SLIT1: variants seen among roughly 807,000 people sequenced by gnomAD.
The protein encoded by SLIT1 is slit homolog 1 protein.
A neutral mutation model predicts 186.1 loss-of-function variants in SLIT1; 66 were observed. That is an observed-to-expected ratio of 0.35 (90% confidence interval 0.29 to 0.44). The LOEUF (loss-of-function observed/expected upper bound fraction) is 0.44, where lower values mean the gene tolerates loss of function less well. Among genes scored for constraint, SLIT1 ranks in the 20% least tolerant of loss-of-function variants. The pLI is 1.00. For synonymous variants in SLIT1, 761 were observed against 833.8 expected (o/e 0.91, Z 1.50); for missense variants, 1,638 against 2,037.4 (o/e 0.80, Z 3.77).
In SLIT1 at chr10:97,063,767, A is replaced by G. The variant is rs938603947; in HGVS notation, c.630-149T>C. 37 of 846,910 alleles carry G rather than the reference A, an allele frequency of 4.4e-5. No individual in the cohort carries two copies. The South Asian group carries it at 6.0e-4, about 14-fold the overall frequency. 52.5% of individuals were successfully genotyped at this position (846,910 alleles called of 1,614,324 possible). A position where few individuals can be genotyped will look rare whatever the true frequency, so the allele number is the denominator to read the frequency against. On this transcript the variant is annotated intron_variant, in intron 7 of 36. Coordinates refer to ENST00000266058, the MANE Select transcript of SLIT1 (RefSeq NM_003061.3). ...TTAGTCAAGTAGACGGCTCAGCTCC[A>G]ACCCGGGGATTATCCACAGCCCCGT...
intron 13 of SLIT1, among the ~76,000 whole-genome samples, chr10:97,049,662 C>T (rs763776411): frequency 1.3e-5 from 2 of 152,200 alleles, no homozygotes; most frequent in Non-Finnish European, 2.9e-5. Context: ...CCAGGGTGGC[C>T]AGGCCTGCTG....
chr10:97,060,302 G>T (rs1218652547), intron 9 of SLIT1, 144 bp from the exon 10 acceptor site: 5 of 726,286 alleles, frequency 6.9e-6, no homozygotes, highest in Non-Finnish European at 1.2e-5. Context: ...GAAGTCTGGG[G>T]TAAGGACGCC....
chr10:97,062,844 T>A (rs1185453407), intron 8 of SLIT1, among the ~76,000 whole-genome samples: 1 of 152,198 alleles, frequency 6.6e-6, no homozygotes, highest in Non-Finnish European at 1.5e-5. Flanking sequence ...TTCTTTTTGG[T>A]CTTCTGGCTG....
rs767004713 is a variant in SLIT1, at chr10:97,185,452, GA to G, written c.197+25del. The G allele has an allele frequency of 1.9e-6, 3 of 1,604,462 alleles. No homozygotes were observed. The East Asian group carries it at 6.8e-5, about 36-fold the overall frequency. On this transcript the variant is annotated intron_variant, in intron 1 of 36. Coordinates refer to ENST00000266058, the MANE Select transcript of SLIT1 (RefSeq NM_003061.3). ...GTGGGAGGGCAACCTCGGAGCCAGG[GA>G]GCCAGGGGCGGGGACCATACTCACA...
chr10:97,107,794 C>T (rs770246012), intron 4 of SLIT1, among the ~76,000 whole-genome samples: 1 of 152,000 alleles, frequency 6.6e-6, no homozygotes, highest in African/African-American at 2.4e-5. Flanking sequence ...ACCCATGGGG[C>T]CAGCTTCCTG....
rs1281330308 is a variant in SLIT1, at chr10:96,998,243, G to A, written c.*2869C>T. 1 of 152,222 alleles carries A rather than the reference G, an allele frequency of 6.6e-6. No individual in the cohort carries two copies. The highest frequency in any genetic ancestry group is 6.5e-5 in the Admixed American group (1 of 15,284). 9.4% of individuals were successfully genotyped at this position (152,222 alleles called of 1,614,324 possible). A position where few individuals can be genotyped will look rare whatever the true frequency, so the allele number is the denominator to read the frequency against. On this transcript the variant is annotated 3_prime_UTR_variant, in exon 37 of 37. Coordinates refer to ENST00000266058, the MANE Select transcript of SLIT1 (RefSeq NM_003061.3). ...ATCTGAAAGGCAAAACAAGACGCTG[G>A]ATGTTGACTTTAACATATAAAAATA...
At chr10:97,071,750 T>C (rs1236201023) in intron 4 of SLIT1, among the ~76,000 whole-genome samples, 1 of 152,156 alleles carries the variant, frequency 6.6e-6, no homozygotes, top group Non-Finnish European at 1.5e-5. Context: ...CGTATAAGTC[T>C]AAAAGGATCA....
intron 34 of SLIT1, 82 bp downstream of exon 34, chr10:97,003,986 C>G: frequency 1.6e-6 from 2 of 1,265,270 alleles, no homozygotes; most frequent in Non-Finnish European, 2.2e-6. Context: ...GCATTTCCCA[C>G]AGTGCAGTCC....
intron 13 of SLIT1, among the ~76,000 whole-genome samples, chr10:97,051,811 C>CA (rs201020231): frequency 0.53 from 66,099 of 123,912 alleles, 19,563 homozygotes; most frequent in East Asian, 0.73. Flanking sequence ...AACTCCATCT[C>CA]AAAAAAAAAA....
intron 36 of SLIT1, 89 bp downstream of exon 36, chr10:97,002,069 G>T: frequency 2.4e-6 from 2 of 850,856 alleles, no homozygotes; most frequent in Non-Finnish European, 1.8e-6. Flanking sequence ...AGGGACAGAA[G>T]GGCTGCCGAG....
chr10:97,104,594 C>T (rs1849394148), intron 4 of SLIT1, among the ~76,000 whole-genome samples: 2 of 152,042 alleles, frequency 1.3e-5, no homozygotes, highest in Admixed American at 6.6e-5. Flanking sequence ...CATCCCAGAC[C>T]CTTCACTCTT....
At chr10:97,131,738 G>T (rs1363900326) in intron 4 of SLIT1, among the ~76,000 whole-genome samples, 1 of 152,224 alleles carries the variant, frequency 6.6e-6, no homozygotes, top group East Asian at 1.9e-4. Flanking sequence ...TGCCCCATTT[G>T]TTTTCCGGTA....
In SLIT1 at chr10:97,001,367, C is replaced by A. The variant is rs2134583563; in HGVS notation, c.4367-17G>T. On this transcript the variant is annotated splice_polypyrimidine_tract_variant and intron_variant, in intron 36 of 36. Coordinates refer to ENST00000266058, the MANE Select transcript of SLIT1 (RefSeq NM_003061.3). ...ACTCGGACTCTGGATGGGACAGACACCAAGAGAAAGCCTCAGGGCACACCC... is the reference window on the plus strand; with the variant it reads ...ACTCGGACTCTGGATGGGACAGACAACAAGAGAAAGCCTCAGGGCACACCC... 4 of 1,599,974 alleles carry A rather than the reference C, an allele frequency of 2.5e-6. No homozygotes were observed. The highest frequency in any genetic ancestry group is 2.6e-6 in the Non-Finnish European group (3 of 1,169,552).
At position 97,064,830 on chromosome 10, in the gene SLIT1, G is replaced by A. The variant is rs574774188; in HGVS notation, c.532C>T (p.Arg178Cys). The A allele has an allele frequency of 8.6e-5, 138 of 1,612,030 alleles. No individual in the cohort carries two copies. Among genetic ancestry groups the A allele is most frequent in the Non-Finnish European group, 1.1e-4 (135 of 1,179,126 alleles). ...AGCACCTCCAGCCCCCGCAGAGCAC[G>A]GAAGGCCCCTTCCTCAATGCAGCTG... The part of the protein sequence containing the change: ...QISCIEEGAF[R>C]ALRGLEVLTL... The change falls in exon 6 of 37, where the codon CGT becomes TGT. Residue 178 changes from arginine (R) to cysteine (C), a missense_variant. By Grantham distance (180) the Arg-to-Cys change is radical (BLOSUM62 -3). This residue lies in a region of SLIT1 where 1,245 missense variants were observed against 1,535.3 expected (regional missense o/e 0.81). Coordinates refer to ENST00000266058, the MANE Select transcript of SLIT1 (RefSeq NM_003061.3).
At chr10:97,175,425 G>A (rs1850242651) in intron 1 of SLIT1, among the ~76,000 whole-genome samples, 2 of 152,212 alleles carry the variant, frequency 1.3e-5, no homozygotes, top group East Asian at 3.9e-4. Flanking sequence ...TGAAATTGCT[G>A]GGTCATATGG....
chr10:97,079,193 T>C (rs951277420), intron 4 of SLIT1, among the ~76,000 whole-genome samples: 7 of 152,216 alleles, frequency 4.6e-5, no homozygotes, highest in Non-Finnish European at 1.0e-4. Flanking sequence ...AAATACCATA[T>C]GTACCACTTA....
rs570284518 is a variant in SLIT1 at position 97,161,015 on chromosome 10, G to A, written c.341+2365C>T. 1.0e-3 allele frequency among the ~76,000 whole-genome samples: 153 copies of A among 152,270 alleles called. 1 individual carries two copies. Among genetic ancestry groups the A allele is most frequent in the Non-Finnish European group, 1.9e-3 (132 of 68,004 alleles). On this transcript the variant is annotated intron_variant, in intron 3 of 36. Transcript: ENST00000266058. ...GCTGGGATTACAGGCATGAGCCACC[G>A]TGCCTGGCTGGTATGTGTGGTTTTT...
intron 3 of SLIT1, among the ~76,000 whole-genome samples, chr10:97,162,522 G>C (rs185392438): frequency 1.3e-5 from 2 of 152,052 alleles, no homozygotes; most frequent in Non-Finnish European, 2.9e-5. Context: ...CTGAGGCGGG[G>C]GAATCGCTTG....
chr10:97,063,648 A>G, intron 7 of SLIT1, 30 bp from the exon 8 acceptor site: 3 of 1,561,714 alleles, frequency 1.9e-6, no homozygotes, highest in Non-Finnish European at 2.6e-6. Flanking sequence ...CTCACAACCC[A>G]TCTGGATCCC....
Sources: allele counts gnomAD v4.1 joint callset (sites outside exome capture counted in the v4.1 genomes callset), GRCh38; gene constraint gnomAD v4.1.1; regional missense constraint gnomAD v4.1.1; transcripts MANE v1.5; gene names NCBI Gene and HGNC (gene_info 2026-07-23, HGNC 2026-07-21).